The following DSCAM variants were observed in gnomAD, a reference collection of about 807,000 sequenced individuals.
The protein encoded by DSCAM is cell adhesion molecule DSCAM.
Under a neutral mutation model 217.7 loss-of-function variants are expected in DSCAM, and 47 were observed. The ratio of observed to expected loss-of-function variants is 0.22; its 90% confidence interval spans 0.17 to 0.28. The LOEUF (loss-of-function observed/expected upper bound fraction) is 0.28, where lower values mean the gene tolerates loss of function less well. Among genes scored for constraint, DSCAM ranks in the 10% least tolerant of loss-of-function variants. The pLI, the probability that DSCAM is intolerant of heterozygous loss-of-function variation, is 1.00. For synonymous variants in DSCAM, 1,056 were observed against 1,015.3 expected (o/e 1.04, Z -0.76); for missense variants, 2,080 against 2,618.3 (o/e 0.79, Z 4.49).
intron 30 of DSCAM, among the ~76,000 whole-genome samples, chr21:40,046,079 A>G (rs966212253): frequency 6.6e-6 from 1 of 152,164 alleles, no homozygotes; most frequent in Non-Finnish European, 1.5e-5. Context: ...TTGACCACAT[A>G]TGGCCAAATC....
At chr21:40,527,887 C>A (rs1278519231) in intron 3 of DSCAM, among the ~76,000 whole-genome samples, 1 of 152,146 alleles carries the variant, frequency 6.6e-6, no homozygotes, top group East Asian at 1.9e-4. Context: ...ATCTGAAGAC[C>A]ACCCGCCTCA....
intron 3 of DSCAM, among the ~76,000 whole-genome samples, chr21:40,488,464 C>G (rs1220612504): frequency 6.6e-6 from 1 of 152,136 alleles, no homozygotes; most frequent in African/African-American, 2.4e-5. Flanking sequence ...TGAGAAACTG[C>G]TGAACTCTGA....
intron 4 of DSCAM, among the ~76,000 whole-genome samples, chr21:40,367,086 T>C (rs889550609): frequency 3.9e-5 from 6 of 152,168 alleles, no homozygotes; most frequent in African/African-American, 1.2e-4. Context: ...TTCAAGGACA[T>C]AGACCATCAC....
chr21:40,740,180 A>C (rs188073352), intron 1 of DSCAM, among the ~76,000 whole-genome samples: 1,601 of 151,612 alleles, frequency 0.011, 24 homozygotes, highest in Non-Finnish European at 0.011. Flanking sequence ...AGGATAAAAA[A>C]CTCTAAATTT....
chr21:40,532,679 G>A (rs2076456953), intron 3 of DSCAM, among the ~76,000 whole-genome samples: 1 of 152,132 alleles, frequency 6.6e-6, no homozygotes, highest in African/African-American at 2.4e-5. Context: ...AGATGGCCAA[G>A]GGCATCCTGA....
chr21:40,023,243 G>A (rs964012950), intron 32 of DSCAM, among the ~76,000 whole-genome samples: 1 of 152,084 alleles, frequency 6.6e-6, no homozygotes, highest in African/African-American at 2.4e-5. Flanking sequence ...TGGTGTATAT[G>A]TGCCACATTT....
At position 40,457,416 on chromosome 21, in the gene DSCAM, G is replaced by A. The variant is rs377318988; in HGVS notation, c.509-88171C>T. Reference sequence around the variant, plus strand: ...GGTCCCAGCTACTCAGGAGGCTGAAGCGGGAGGATTGCTTGAGCCCGGGAG... The same window carrying A: ...GGTCCCAGCTACTCAGGAGGCTGAAACGGGAGGATTGCTTGAGCCCGGGAG... On this transcript the variant is annotated intron_variant, in intron 3 of 32. Coordinates refer to ENST00000400454, the MANE Select transcript of DSCAM (RefSeq NM_001389.5). Among the ~76,000 whole-genome samples the A allele has an allele frequency of 3.3e-4, 50 of 152,244 alleles. No homozygotes were observed. The South Asian group carries it at 1.0e-2, about 30-fold the overall frequency.
intron 1 of DSCAM, among the ~76,000 whole-genome samples, chr21:40,813,909 T>C (rs1473860540): frequency 1.3e-5 from 2 of 152,144 alleles, no homozygotes; most frequent in Admixed American, 6.5e-5. Context: ...CCTCTCAAAG[T>C]GCTGGGATTA....
rs139303373 is a variant in DSCAM at position 40,595,018 on chromosome 21, G to A, written c.508+97792C>T. On this transcript the variant is annotated intron_variant, in intron 3 of 32. Coordinates refer to ENST00000400454, the MANE Select transcript of DSCAM (RefSeq NM_001389.5). The stretch of plus-strand genomic sequence containing the variant: ...TAGGACACCTTCTGAAGTCCCCCTA[G>A]CCCAGGCAGCACAGGGCAGGCCTTC... 1.2e-3 allele frequency among the ~76,000 whole-genome samples: 185 copies of A among 152,288 alleles called. 1 individual carries two copies. The highest frequency in any genetic ancestry group is 4.4e-3 in the African/African-American group (181 of 41,560).
At chr21:40,160,809 G>A (rs1174532265) in intron 16 of DSCAM, among the ~76,000 whole-genome samples, 1 of 152,102 alleles carries the variant, frequency 6.6e-6, no homozygotes, top group Non-Finnish European at 1.5e-5. Context: ...AAAAATCAAA[G>A]TGCCTACACT....
chr21:40,111,613 T>A (rs9975006), intron 20 of DSCAM, among the ~76,000 whole-genome samples: 47,631 of 151,750 alleles, frequency 0.31, 9,244 homozygotes, highest in South Asian at 0.53. Context: ...TAAAAGACAC[T>A]GACTGGCAAA....
intron 9 of DSCAM, 72 bp from the exon 10 acceptor site, chr21:40,296,246 C>CA: frequency 6.6e-7 from 1 of 1,510,356 alleles, no homozygotes; most frequent in Non-Finnish European, 9.1e-7. Context: ...TTCTAAGAAA[C>CA]TGAATCATTT....
intron 3 of DSCAM, among the ~76,000 whole-genome samples, chr21:40,577,659 A>G (rs1353343177): frequency 2.6e-5 from 4 of 152,116 alleles, no homozygotes; most frequent in Non-Finnish European, 5.9e-5. Context: ...GGCCCTGAAG[A>G]AGGGGGTAGA....
At chr21:40,425,083 A>C (rs1422530612) in intron 3 of DSCAM, among the ~76,000 whole-genome samples, 1 of 152,172 alleles carries the variant, frequency 6.6e-6, no homozygotes, top group Non-Finnish European at 1.5e-5. Flanking sequence ...ACAAGAGTGA[A>C]ACTCCATCTC....
rs1005857682 is a variant in DSCAM, at chr21:40,357,670, T to C, written c.656-3927A>G. 3.9e-5 allele frequency among the ~76,000 whole-genome samples: 6 copies of C among 152,034 alleles called. No homozygotes were observed. In the East Asian group the frequency reaches 7.7e-4, roughly 20 times the overall value. ...TTCATTTAATTAAGAAATGTGAGAATTGGACACAGGAAGGGGAACATCACA... is the reference window on the plus strand; with the variant it reads ...TTCATTTAATTAAGAAATGTGAGAACTGGACACAGGAAGGGGAACATCACA... On this transcript the variant is annotated intron_variant, in intron 4 of 32. Coordinates refer to ENST00000400454, the MANE Select transcript of DSCAM (RefSeq NM_001389.5).
intron 3 of DSCAM, among the ~76,000 whole-genome samples, chr21:40,653,206 T>C (rs558007711): frequency 1.3e-5 from 2 of 152,192 alleles, no homozygotes; most frequent in Non-Finnish European, 1.5e-5. Context: ...TCTGTGAGTC[T>C]CTCCAGCAAA....
intron 3 of DSCAM, among the ~76,000 whole-genome samples, chr21:40,559,761 T>C (rs1318327755): frequency 6.6e-6 from 1 of 151,472 alleles, no homozygotes; most frequent in Admixed American, 6.6e-5. Context: ...GTAACGGCTG[T>C]TTTGATGCTT....
intron 11 of DSCAM, among the ~76,000 whole-genome samples, chr21:40,241,100 T>C (rs1046422086): frequency 6.6e-6 from 1 of 152,070 alleles, no homozygotes; most frequent in Non-Finnish European, 1.5e-5. Flanking sequence ...TGACAAAGAC[T>C]CTAAAAGCAA....
intron 9 of DSCAM, among the ~76,000 whole-genome samples, chr21:40,304,081 C>A (rs2074045359): frequency 6.6e-6 from 1 of 152,208 alleles, no homozygotes; most frequent in Admixed American, 6.5e-5. Flanking sequence ...AACCATCAGT[C>A]CACTGTCATA....
Sources: allele counts gnomAD v4.1 joint callset (sites outside exome capture counted in the v4.1 genomes callset), GRCh38; gene constraint gnomAD v4.1.1; transcripts MANE v1.5; gene names NCBI Gene and HGNC (gene_info 2026-07-23, HGNC 2026-07-21).